Variants in ARMC8 observed in about 807,000 individuals in gnomAD.
ARMC8 encodes the protein armadillo repeat-containing protein 8.
A neutral mutation model predicts 99.3 loss-of-function variants in ARMC8; 20 were observed. The ratio of observed to expected loss-of-function variants is 0.20; its 90% CI spans 0.14 to 0.29. ARMC8 has a LOEUF of 0.29. ARMC8 is among the 10% of genes least tolerant of loss of function. ARMC8 has a pLI of 1.00. For missense variants in ARMC8, 569 were observed against 809.5 expected (o/e 0.70, Z 3.60); for synonymous variants, 263 against 278.3 (o/e 0.95, Z 0.55).
chr3:138,275,059 G>A (rs945190443), intron 18 of ARMC8, among the ~76,000 whole-genome samples: 2 of 152,128 alleles, frequency 1.3e-5, no homozygotes, highest in African/African-American at 2.4e-5. Context: ...ATTAAAGTAC[G>A]AAGCTGTGCA....
chr3:138,287,633 G>A (rs560955089), intron 19 of ARMC8: 54 of 456,528 alleles, frequency 1.2e-4, no homozygotes, highest in Non-Finnish European at 2.0e-4. Flanking sequence ...TGTCTTAAGG[G>A]AGCCCAAACT....
chr3:138,263,819 C>G lies in ARMC8; in HGVS notation c.1215C>G (p.Val405=). ...GTGTCAAGGTGCGGTTAGCTGCCGT[C>G]AGGTATGAGCTTTAAATGGTCTGAA... ...ESSVKVRLAA[V]RCLHSLSRSV... The change falls in exon 13 of 22, where the codon GTC becomes GTG. Residue 405 remains valine (V), a splice_region_variant and synonymous_variant. Coordinates refer to ENST00000469044, the MANE Select transcript of ARMC8 (RefSeq NM_001363941.2). 6.2e-7 allele frequency: 1 copy of G among 1,613,576 alleles called. No homozygotes were observed. The highest frequency in any genetic ancestry group is 2.2e-5 in the East Asian group (1 of 44,882).
At chr3:138,250,729 A>C (rs2047084710) in intron 12 of ARMC8, among the ~76,000 whole-genome samples, 1 of 152,212 alleles carries the variant, frequency 6.6e-6, no homozygotes, top group African/African-American at 2.4e-5. Context: ...ATACAAAACC[A>C]TATCCCAAAA....
At chr3:138,287,460 A>G (rs192598525) in intron 19 of ARMC8, among the ~76,000 whole-genome samples, 4 of 151,946 alleles carry the variant, frequency 2.6e-5, no homozygotes, top group Admixed American at 2.0e-4. Flanking sequence ...CCACCCTCCA[A>G]TTTTCTCTAT....
Position 138,240,876 on chromosome 3 carries a change from C to T in ARMC8, c.838-907C>T, listed in dbSNP as rs1576733999. Among the ~76,000 whole-genome samples, 10 of 152,188 alleles carry T rather than the reference C, an allele frequency of 6.6e-5. 1 individual carries two copies. In the South Asian group the frequency reaches 2.1e-3, roughly 32 times the overall value. On this transcript the variant is annotated intron_variant, in intron 10 of 21. Transcript: ENST00000469044. ...GACCAGCCTGGCCAACCTGGTGAAT[C>T]CCCATCTCTACTAAAAATAAAAAAT...
chr3:138,252,147 C>T (rs1259009813), intron 12 of ARMC8, among the ~76,000 whole-genome samples: 1 of 152,034 alleles, frequency 6.6e-6, no homozygotes, highest in African/African-American at 2.4e-5. Flanking sequence ...CTGTTACCTA[C>T]ATTATAATTT....
In ARMC8 at chr3:138,187,437, C is replaced by T. The variant is rs2043123524; in HGVS notation, c.-118C>T. ...ACTTGAGCGGTGTCCAGAGCGTGGCCAGTTCTCGTCTATCTGGCTGCCTTT... is the reference window on the plus strand; with the variant it reads ...ACTTGAGCGGTGTCCAGAGCGTGGCTAGTTCTCGTCTATCTGGCTGCCTTT... On this transcript the variant is annotated 5_prime_UTR_variant, in exon 1 of 22. Coordinates refer to ENST00000469044, the MANE Select transcript of ARMC8 (RefSeq NM_001363941.2). The T allele has an allele frequency of 1.9e-6, 2 of 1,034,774 alleles. No homozygotes were observed. Among genetic ancestry groups the T allele is most frequent in the Admixed American group, 4.4e-5 (2 of 45,870 alleles). The allele number at this position is 1,034,774 out of a possible 1,614,324, so 64.1% of individuals were successfully genotyped here.
At chr3:138,211,443 T>G (rs908727755) in intron 2 of ARMC8, among the ~76,000 whole-genome samples, 1 of 152,184 alleles carries the variant, frequency 6.6e-6, no homozygotes, top group African/African-American at 2.4e-5. Context: ...TTTGAGAAAT[T>G]TTTTACTTAC....
At chr3:138,210,163 T>G (rs564494767) in intron 2 of ARMC8, among the ~76,000 whole-genome samples, 1 of 152,334 alleles carries the variant, frequency 6.6e-6, no homozygotes, top group South Asian at 2.1e-4. Context: ...TGCTTTTGCT[T>G]CTTTAATATC....
chr3:138,246,720 A>G lies in ARMC8; in HGVS notation c.1134+1537A>G, dbSNP rs985092410. The G allele has an allele frequency of 3.8e-5, 37 of 985,538 alleles. No homozygotes were observed. In the African/African-American group the frequency reaches 5.9e-4, roughly 16 times the overall value. The allele number at this position is 985,538 out of a possible 1,614,324, so 61.0% of individuals were successfully genotyped here. On this transcript the variant is annotated intron_variant, in intron 12 of 21. Coordinates refer to ENST00000469044, the MANE Select transcript of ARMC8 (RefSeq NM_001363941.2). The stretch of plus-strand genomic sequence containing the variant: ...TTGTTAATAAACTGTTTTGGAATTA[A>G]TGGCTTAATTTGTGATATCATGTTC...
chr3:138,263,102 A>G (rs747327560), intron 12 of ARMC8, among the ~76,000 whole-genome samples: 1 of 152,278 alleles, frequency 6.6e-6, no homozygotes, highest in African/African-American at 2.4e-5. Flanking sequence ...ATAGGCCCAC[A>G]CAAGTCAAAT....
At chr3:138,275,979 C>T (rs933396051) in intron 18 of ARMC8, among the ~76,000 whole-genome samples, 1 of 152,040 alleles carries the variant, frequency 6.6e-6, no homozygotes, top group Non-Finnish European at 1.5e-5. Flanking sequence ...TCAAAATAAA[C>T]CATTGTACTT....
At chr3:138,262,928 G>C (rs1339494196) in intron 12 of ARMC8, among the ~76,000 whole-genome samples, 1 of 152,204 alleles carries the variant, frequency 6.6e-6, no homozygotes, top group Non-Finnish European at 1.5e-5. Flanking sequence ...GGAAAGCTCT[G>C]TATTATCCAG....
At chr3:138,290,675 G>C in intron 21 of ARMC8, 36 bp downstream of exon 21, 2 of 1,426,416 alleles carry the variant, frequency 1.4e-6, no homozygotes, top group South Asian at 1.2e-5. Flanking sequence ...GCTTTGGGCT[G>C]TGTTGGATTC....
At chr3:138,213,308 A>G (rs2044813564) in intron 2 of ARMC8, among the ~76,000 whole-genome samples, 2 of 152,214 alleles carry the variant, frequency 1.3e-5, no homozygotes, top group African/African-American at 4.8e-5. Context: ...TGCCTTGTTG[A>G]AAGATTAACA....
chr3:138,260,115 C>T lies in ARMC8; in HGVS notation c.1135-3624C>T, dbSNP rs1052238854. On this transcript the variant is annotated intron_variant, in intron 12 of 21. Coordinates refer to ENST00000469044, the MANE Select transcript of ARMC8 (RefSeq NM_001363941.2). ...AAAACCATGCCTGTCACTCTCTGGG[C>T]ACTCAGATATTTGCTGAATACATAA... Among the ~76,000 whole-genome samples, 24 of 152,218 alleles carry T rather than the reference C, an allele frequency of 1.6e-4. 1 individual carries two copies. The highest frequency in any genetic ancestry group is 6.5e-5 in the Admixed American group (1 of 15,274).
At chr3:138,250,928 C>G (rs779057261) in intron 12 of ARMC8, among the ~76,000 whole-genome samples, 34 of 152,028 alleles carry the variant, frequency 2.2e-4, no homozygotes, top group Non-Finnish European at 3.4e-4. Flanking sequence ...GGGAGGATTG[C>G]TTTAGCTCAG....
chr3:138,248,891 G>A (rs538003568), intron 12 of ARMC8, among the ~76,000 whole-genome samples: 7 of 152,324 alleles, frequency 4.6e-5, no homozygotes, highest in African/African-American at 1.7e-4. Flanking sequence ...AGTACGTATT[G>A]TAACCTTCAT....
intron 18 of ARMC8, among the ~76,000 whole-genome samples, chr3:138,279,973 G>A (rs970036810): frequency 4.6e-4 from 70 of 150,774 alleles, no homozygotes; most frequent in Non-Finnish European, 1.9e-4. Flanking sequence ...GGCTGATCTC[G>A]GCTCACTGCA....
Sources: gnomAD v4.1 joint callset for allele counts (sites outside exome capture counted in the v4.1 genomes callset) on GRCh38, gnomAD v4.1.1 for gene constraint, MANE v1.5 for transcripts, NCBI Gene and HGNC (gene_info 2026-07-23, HGNC 2026-07-21) for gene names.